IFFO1: variants seen among roughly 807,000 people sequenced by gnomAD.
IFFO1 encodes the protein non-homologous end joining factor IFFO1.
IFFO1 carries 42 observed loss-of-function variants against 59.6 expected under a neutral mutation model. The observed-to-expected ratio is 0.70, with a 90% CI of 0.55 to 0.91. The LOEUF is 0.91. IFFO1 is among the 40% of genes least tolerant of loss of function. The pLI is 0.00. For synonymous variants in IFFO1, 336 were observed against 342.8 expected, an observed-to-expected ratio of 0.98 and a Z score of 0.22; for missense variants, 711 against 793.2, an observed-to-expected ratio of 0.90 and a Z score of 1.24.
At position 6,555,241 on chromosome 12, in the gene IFFO1, C is replaced by G. The variant is rs775717680; in HGVS notation, c.773+16G>C. ...GTATGACACAGAGAGACCTGTCCCC[C>G]TTTCCCAATCCCTACCTCCGCTTGT... On this transcript the variant is annotated intron_variant, in intron 1 of 9. Coordinates refer to ENST00000619571, the MANE Select transcript of IFFO1 (RefSeq NM_001193457.2). This position sits in a 1 kb window ranked among gnomAD's most constrained non-coding sequence, Gnocchi z 8.6. 3 of 1,613,694 alleles carry G rather than the reference C, an allele frequency of 1.9e-6. No individual in the cohort carries two copies. Among genetic ancestry groups the G allele is most frequent in the Non-Finnish European group, 2.5e-6 (3 of 1,179,678 alleles).
At position 6,548,998 on chromosome 12, in the gene IFFO1, C is replaced by G. The variant is rs753959914; in HGVS notation, c.1081-149G>C. ...AGTTACAATGACAGGAACAGAAACACGGACAGTCACCAAGGGCCAGACACA... is the reference window on the plus strand; with the variant it reads ...AGTTACAATGACAGGAACAGAAACAGGGACAGTCACCAAGGGCCAGACACA... On this transcript the variant is annotated intron_variant, in intron 5 of 9. Coordinates refer to ENST00000619571, the MANE Select transcript of IFFO1 (RefSeq NM_001193457.2). This position sits in a 1 kb window ranked among gnomAD's most constrained non-coding sequence, Gnocchi z 6.1. 8.8e-6 allele frequency: 6 copies of G among 681,076 alleles called. No homozygotes were observed. Among genetic ancestry groups the G allele is most frequent in the Admixed American group, 8.2e-5 (3 of 36,672 alleles). The allele number at this position is 681,076 out of a possible 1,614,324, so 42.2% of individuals were successfully genotyped here.
Position 6,549,322 on chromosome 12 carries a change from TAGAG to T in IFFO1, c.1080+150_1080+153del, listed in dbSNP as rs1406574858. The T allele has an allele frequency of 4.3e-6, 3 of 701,118 alleles. No individual in the cohort carries two copies. The highest frequency in any genetic ancestry group is 2.5e-5 in the East Asian group (1 of 39,742). The allele number at this position is 701,118 out of a possible 1,614,324, so 43.4% of individuals were successfully genotyped here. On this transcript the variant is annotated intron_variant, in intron 5 of 9. Coordinates refer to ENST00000619571, the MANE Select transcript of IFFO1 (RefSeq NM_001193457.2). The surrounding 1 kb of genome is among the most constrained non-coding windows in gnomAD (Gnocchi z 5.0). ...GAAATGCAGTCAAGAGAACAAGAGA[TAGAG>T]AGAAAAAGGGGGAAGAGCAAGGAAA...
chr12:6,548,236 GGAGA>G lies in IFFO1; in HGVS notation c.1384-80_1384-77del, dbSNP rs138979230. 14 of 1,329,424 alleles carry G rather than the reference GGAGA, an allele frequency of 1.1e-5. No homozygotes were observed. The highest frequency in any genetic ancestry group is 1.8e-4 in the Middle Eastern group (1 of 5,442). The allele number at this position is 1,329,424 out of a possible 1,614,324, so 82.4% of individuals were successfully genotyped here. Reference sequence around the variant, plus strand: ...GACGCATTCCAAAGGGCCAAGTCAGGGAGAGAGAGAGAGAGGAAGTCTGGTTAAA... The same window carrying G: ...GACGCATTCCAAAGGGCCAAGTCAGGGAGAGAGAGAGGAAGTCTGGTTAAA... On this transcript the variant is annotated intron_variant, in intron 7 of 9. Coordinates refer to ENST00000619571, the MANE Select transcript of IFFO1 (RefSeq NM_001193457.2). This position sits in a 1 kb window ranked among gnomAD's most constrained non-coding sequence, Gnocchi z 6.1.
At chr12:6,552,463 G>A (rs1214779428) in intron 1 of IFFO1, among the ~76,000 whole-genome samples, 4 of 152,254 alleles carry the variant, frequency 2.6e-5, no homozygotes, top group Non-Finnish European at 4.4e-5. Flanking sequence ...ATACAGTCAG[G>A]CCACTAAGGG....
At chr12:6,553,620 G>C (rs1947326014) in intron 1 of IFFO1, among the ~76,000 whole-genome samples, 1 of 151,962 alleles carries the variant, frequency 6.6e-6, no homozygotes, top group Non-Finnish European at 1.5e-5. Context: ...AAAAAAAATA[G>C]CCAGGCATGG....
At chr12:6,554,099 A>G (rs192705278) in intron 1 of IFFO1, among the ~76,000 whole-genome samples, 22 of 150,770 alleles carry the variant, frequency 1.5e-4, no homozygotes, top group African/African-American at 3.9e-4. Flanking sequence ...AAAAAAAAAG[A>G]AAGCCTGCTG....
chr12:6,549,250 C>A lies in IFFO1; in HGVS notation c.1080+226G>T. ...AGTGTGCAATGTGTACAAAAGAGAA[C>A]CTGAATCACATCCAGATCTGGAAAG... On this transcript the variant is annotated intron_variant, in intron 5 of 9. Coordinates refer to ENST00000619571, the MANE Select transcript of IFFO1 (RefSeq NM_001193457.2). This position sits in a 1 kb window ranked among gnomAD's most constrained non-coding sequence, Gnocchi z 5.0. 1.6e-6 allele frequency: 1 copy of A among 626,268 alleles called. No individual in the cohort carries two copies. Among genetic ancestry groups the A allele is most frequent in the East Asian group, 2.6e-5 (1 of 38,250 alleles). 38.8% of individuals were successfully genotyped at this position (626,268 alleles called of 1,614,324 possible).
At chr12:6,540,688 A>G in intron 9 of IFFO1, 100 bp from the exon 10 acceptor site, 1 of 1,039,914 alleles carries the variant, frequency 9.6e-7, no homozygotes, top group Non-Finnish European at 1.4e-6. Context: ...AGCCCGTGAG[A>G]AGTACCGGAA....
chr12:6,547,019 G>A (rs1456533217), intron 8 of IFFO1, among the ~76,000 whole-genome samples: 3 of 152,120 alleles, frequency 2.0e-5, no homozygotes, highest in South Asian at 4.1e-4. Flanking sequence ...TGCTACACTC[G>A]CTATGAGCCA....
Position 6,548,826 on chromosome 12 carries a change from C to A in IFFO1, c.1104G>T (p.Lys368Asn). 1 of 1,612,368 alleles carries A rather than the reference C, an allele frequency of 6.2e-7. No individual in the cohort carries two copies. Among genetic ancestry groups the A allele is most frequent in the Non-Finnish European group, 8.5e-7 (1 of 1,179,378 alleles). ...KKLSLHLSPI[K>N]VPSMGGRKRE... ...GCTTCCGCCCCCCCATGGATGGGAC[C>A]TTAATGGGAGACAAGTGCAGAGACT... is the stretch of plus-strand genomic sequence containing the variant. Residue 368 changes from lysine to asparagine, a missense_variant, in exon 6 of 10, where the codon AAG (lysine) becomes AAT (asparagine). Physicochemically the swap from Lys to Asn is moderately conservative, Grantham distance 94. Around this residue, in one of 3 missense-constraint regions of IFFO1, gnomAD observed 579 missense variants for 650.3 expected, o/e 0.89. Transcript: ENST00000619571. This position sits in a 1 kb window ranked among gnomAD's most constrained non-coding sequence, Gnocchi z 6.1.
At chr12:6,540,890 G>A in intron 9 of IFFO1, among the ~76,000 whole-genome samples, 1 of 152,092 alleles carries the variant, frequency 6.6e-6, no homozygotes, top group Non-Finnish European at 1.5e-5. Flanking sequence ...GGAGTTCAAG[G>A]CAAGCCTGGC....
Position 6,541,723 on chromosome 12 carries a change from C to A in IFFO1, c.1480-81G>T. On this transcript the variant is annotated intron_variant, in intron 8 of 9. Coordinates refer to ENST00000619571, the MANE Select transcript of IFFO1 (RefSeq NM_001193457.2). This position sits in a 1 kb window ranked among gnomAD's most constrained non-coding sequence, Gnocchi z 4.8. ...TGTTGCCCCCGCCAGGAGGCCAACA[C>A]GCCAAGAGCAGTGGCTGGGCCGGGG... The A allele has an allele frequency of 1.3e-6, 2 of 1,574,706 alleles. No individual in the cohort carries two copies. Among genetic ancestry groups the A allele is most frequent in the Non-Finnish European group, 8.7e-7 (1 of 1,154,326 alleles).
At chr12:6,545,433 C>T (rs372254957) in intron 8 of IFFO1, among the ~76,000 whole-genome samples, 3 of 152,208 alleles carry the variant, frequency 2.0e-5, no homozygotes, top group African/African-American at 2.4e-5. Context: ...CGGTGGCTCA[C>T]GCCTATAATC....
Position 6,540,369 on chromosome 12 carries a change from C to T in IFFO1, c.*114G>A. On this transcript the variant is annotated 3_prime_UTR_variant, in exon 10 of 10. Transcript: ENST00000619571. ...CCTGAGGGAGGAGCGCCCCAGTCCC[C>T]AGGGACCGGCCTGGTGCAGAGCTGC... 1.1e-6 allele frequency: 1 copy of T among 883,690 alleles called. No homozygotes were observed. The highest frequency in any genetic ancestry group is 1.9e-6 in the Non-Finnish European group (1 of 532,470). 54.7% of individuals were successfully genotyped at this position (883,690 alleles called of 1,614,324 possible). A position where few individuals can be genotyped will look rare whatever the true frequency, so the allele number is the denominator to read the frequency against.
Position 6,549,131 on chromosome 12 carries a change from A to C in IFFO1, c.1081-282T>G. On this transcript the variant is annotated intron_variant, in intron 5 of 9. Coordinates refer to ENST00000619571, the MANE Select transcript of IFFO1 (RefSeq NM_001193457.2). The surrounding 1 kb of genome is among the most constrained non-coding windows in gnomAD (Gnocchi z 5.0). Reference sequence around the variant, plus strand: ...TCGCTGGGGCTGCAGTCAGATGTGCATGATGGCTCAAGAGGAAATTTTTTT... The same window carrying C: ...TCGCTGGGGCTGCAGTCAGATGTGCCTGATGGCTCAAGAGGAAATTTTTTT... 1 of 535,292 alleles carries C rather than the reference A, an allele frequency of 1.9e-6. No individual in the cohort carries two copies. The highest frequency in any genetic ancestry group is 3.3e-6 in the Non-Finnish European group (1 of 304,440). The allele number at this position is 535,292 out of a possible 1,614,324, so 33.2% of individuals were successfully genotyped here.
rs2136092379 is a variant in IFFO1, at chr12:6,541,718, C to T, written c.1480-76G>A. ...GCCTCTGTTGCCCCCGCCAGGAGGCCAACACGCCAAGAGCAGTGGCTGGGC... is the reference window on the plus strand; with the variant it reads ...GCCTCTGTTGCCCCCGCCAGGAGGCTAACACGCCAAGAGCAGTGGCTGGGC... On this transcript the variant is annotated intron_variant, in intron 8 of 9. Transcript: ENST00000619571. This position sits in a 1 kb window ranked among gnomAD's most constrained non-coding sequence, Gnocchi z 4.8. The T allele has an allele frequency of 6.3e-7, 1 of 1,584,768 alleles. No homozygotes were observed. The highest frequency in any genetic ancestry group is 8.6e-7 in the Non-Finnish European group (1 of 1,161,486).
At chr12:6,547,200 A>C (rs1385473202) in intron 8 of IFFO1, among the ~76,000 whole-genome samples, 2 of 152,148 alleles carry the variant, frequency 1.3e-5, no homozygotes, top group African/African-American at 2.4e-5. Context: ...GCTTGAATCC[A>C]GAAGTTTGAG....
Position 6,549,897 on chromosome 12 carries a change from C to T in IFFO1, c.931-1G>A, listed in dbSNP as rs1047778336. On this transcript the variant is annotated splice_acceptor_variant, in intron 3 of 9. Coordinates refer to ENST00000619571, the MANE Select transcript of IFFO1 (RefSeq NM_001193457.2). LOFTEE classifies it high-confidence loss of function. This position sits in a 1 kb window ranked among gnomAD's most constrained non-coding sequence, Gnocchi z 5.0. ...TCTTGGTGTCCAGCTCCGACAGGTTCTGTCCAGGGAGCCCAGGGAACAGTG... is the reference window on the plus strand; with the variant it reads ...TCTTGGTGTCCAGCTCCGACAGGTTTTGTCCAGGGAGCCCAGGGAACAGTG... The T allele has an allele frequency of 1.2e-6, 2 of 1,613,248 alleles. No individual in the cohort carries two copies. Among genetic ancestry groups the T allele is most frequent in the Non-Finnish European group, 1.7e-6 (2 of 1,179,368 alleles).
In IFFO1 at chr12:6,541,468, G is replaced by A. The variant is rs946383689; in HGVS notation, c.1610+44C>T. 1.3e-5 allele frequency: 21 copies of A among 1,607,106 alleles called. No individual in the cohort carries two copies. The highest frequency in any genetic ancestry group is 3.3e-5 in the South Asian group (3 of 90,956). ...GGGCTGTGTTCCAACCTTTCTCCCC[G>A]CTGTGTCCCCCTGGAAGGCCCCATG... On this transcript the variant is annotated intron_variant, in intron 9 of 9. Transcript: ENST00000619571. This position sits in a 1 kb window ranked among gnomAD's most constrained non-coding sequence, Gnocchi z 4.8.
Sources: allele counts gnomAD v4.1 joint callset (sites outside exome capture counted in the v4.1 genomes callset), GRCh38; gene constraint gnomAD v4.1.1; regional missense constraint gnomAD v4.1.1; non-coding constraint Gnocchi (gnomAD v3.1); transcripts MANE v1.5; gene names NCBI Gene and HGNC (gene_info 2026-07-23, HGNC 2026-07-21).